Variants in BOC observed in about 807,000 individuals in gnomAD.
BOC encodes BOC cell adhesion associated, oncogene regulated.
BOC carries 76 observed loss-of-function variants against 112.0 expected under a neutral mutation model. The ratio of observed to expected loss-of-function variants is 0.68; its 90% CI spans 0.56 to 0.82. The LOEUF is 0.82. BOC is among the 40% of genes least tolerant of loss of function. The pLI, the probability that BOC is intolerant of heterozygous loss-of-function variation, is 0.00. For synonymous variants in BOC, 580 were observed against 599.8 expected (o/e 0.97, Z 0.48); for missense variants, 1,309 against 1,511.7 (o/e 0.87, Z 2.22).
chr3:113,229,387 G>T (rs559275983), intron 2 of BOC, among the ~76,000 whole-genome samples: 4 of 152,160 alleles, frequency 2.6e-5, no homozygotes, highest in Non-Finnish European at 2.9e-5. Context: ...TTAAATTTGC[G>T]CATGCTTGGA....
At position 113,260,721 on chromosome 3, in the gene BOC, A is replaced by ACAGAAAGAACAGAACAGAACAGAAC. The variant is rs1553737946; in HGVS notation, c.377-7578_377-7577insCAGAAAGAACAGAACAGAACAGAAC. 1.3e-3 allele frequency among the ~76,000 whole-genome samples: 122 copies of ACAGAAAGAACAGAACAGAACAGAAC among 92,236 alleles called. 1 individual carries two copies. Among genetic ancestry groups the ACAGAAAGAACAGAACAGAACAGAAC allele is most frequent in the African/African-American group, 2.0e-3 (48 of 24,012 alleles). 60.5% of individuals were successfully genotyped at this position (92,236 alleles called of 152,430 possible). ...ACAGAACAGAACAGAACAGAACAGA[A>ACAGAAAGAACAGAACAGAACAGAAC]AGAACAGAACAGAACAGAACAGAAC... On this transcript the variant is annotated intron_variant, in intron 4 of 19. Transcript: ENST00000682979.
Position 113,273,063 on chromosome 3 carries a change from T to C in BOC, c.962-6T>C. ...CCCTTCTCACCCTGCTCTGGTTTCC[T>C]GGCAGAACCCCCTGAGGTCACCATG... On this transcript the variant is annotated splice_region_variant and splice_polypyrimidine_tract_variant and intron_variant, in intron 7 of 19. Coordinates refer to ENST00000682979, the MANE Select transcript of BOC (RefSeq NM_001378074.1). 1.3e-6 allele frequency: 2 copies of C among 1,590,662 alleles called. No individual in the cohort carries two copies. Among genetic ancestry groups the C allele is most frequent in the Non-Finnish European group, 1.7e-6 (2 of 1,161,476 alleles).
At chr3:113,252,863 G>A (rs1364779738) in intron 4 of BOC, among the ~76,000 whole-genome samples, 1 of 152,140 alleles carries the variant, frequency 6.6e-6, no homozygotes, top group Non-Finnish European at 1.5e-5. Context: ...GGCCGTGGGT[G>A]GCTAGAGGGC....
chr3:113,276,454 G>T (rs1161202222), intron 9 of BOC, among the ~76,000 whole-genome samples: 1 of 152,240 alleles, frequency 6.6e-6, no homozygotes, highest in Non-Finnish European at 1.5e-5. Context: ...GCTGCGTCTG[G>T]CTTCTCTCAG....
At chr3:113,236,320 A>ATATATATAT (rs1553726986) in intron 2 of BOC, among the ~76,000 whole-genome samples, 3 of 93,888 alleles carry the variant, frequency 3.2e-5, no homozygotes, top group South Asian at 3.9e-4. Flanking sequence ...ATACCCATGG[A>ATATATATAT]ATACTGCTCA....
intron 4 of BOC, among the ~76,000 whole-genome samples, chr3:113,264,048 CTG>C (rs2107576955): frequency 6.6e-6 from 1 of 152,274 alleles, no homozygotes; most frequent in East Asian, 1.9e-4. Flanking sequence ...CCTTTGGAAA[CTG>C]AGCTCCCAGA....
In BOC at chr3:113,278,365, C is replaced by A; in HGVS notation, c.1705+108C>A. ...CCTTGCCCCAGCTGTTCACCTTGAA[C>A]TTCATCTTTCCTTCCAGCTACTGCC... is the stretch of plus-strand genomic sequence containing the variant. On this transcript the variant is annotated intron_variant, in intron 10 of 19. Coordinates refer to ENST00000682979, the MANE Select transcript of BOC (RefSeq NM_001378074.1). This position sits in a 1 kb window ranked among gnomAD's most constrained non-coding sequence, Gnocchi z 4.2. 8.0e-7 allele frequency: 1 copy of A among 1,250,088 alleles called. No homozygotes were observed. Among genetic ancestry groups the A allele is most frequent in the Non-Finnish European group, 1.1e-6 (1 of 890,000 alleles). The allele number at this position is 1,250,088 out of a possible 1,614,324, so 77.4% of individuals were successfully genotyped here.
chr3:113,265,832 A>G (rs1415308813), intron 4 of BOC, among the ~76,000 whole-genome samples: 8 of 152,276 alleles, frequency 5.3e-5, no homozygotes, highest in Non-Finnish European at 1.5e-5. Flanking sequence ...GTGTTACCCC[A>G]TCAAGTGCAG....
intron 2 of BOC, among the ~76,000 whole-genome samples, chr3:113,247,618 C>T (rs937799560): frequency 6.6e-6 from 1 of 152,008 alleles, no homozygotes; most frequent in Non-Finnish European, 1.5e-5. Context: ...TGGGCAACTT[C>T]ACTTCTGGAA....
chr3:113,230,478 G>A lies in BOC; in HGVS notation c.-82+14204G>A, dbSNP rs1942435374. Among the ~76,000 whole-genome samples, 4 of 152,362 alleles carry A rather than the reference G, an allele frequency of 2.6e-5. No individual in the cohort carries two copies. In the South Asian group the frequency reaches 8.3e-4, roughly 32 times the overall value. ...GACCAGCAAGCAGGGGAAGCAGACA[G>A]TCTAGGCTTTGAATCCTTTACTTAA... On this transcript the variant is annotated intron_variant, in intron 2 of 19. Transcript: ENST00000682979.
intron 7 of BOC, 57 bp from the exon 8 acceptor site, chr3:113,273,012 T>A: frequency 6.5e-7 from 1 of 1,550,076 alleles, no homozygotes; most frequent in Non-Finnish European, 8.8e-7. Context: ...TCCCAGCCCA[T>A]CTGGCCCTGG....
chr3:113,220,241 T>C (rs1465689712), intron 2 of BOC, among the ~76,000 whole-genome samples: 1 of 152,232 alleles, frequency 6.6e-6, no homozygotes, highest in Non-Finnish European at 1.5e-5. Flanking sequence ...CAGACCTCTC[T>C]ACTGGCTTAG....
In BOC at chr3:113,284,767, CT is replaced by C. The variant is rs1220072623; in HGVS notation, c.2890-13del. 2.8e-5 allele frequency: 45 copies of C among 1,613,836 alleles called. No individual in the cohort carries two copies. The highest frequency in any genetic ancestry group is 3.1e-5 in the Non-Finnish European group (37 of 1,179,806). On this transcript the variant is annotated splice_polypyrimidine_tract_variant and intron_variant, in intron 17 of 19. Transcript: ENST00000682979. ...TCCCCGGCGTGGCCGTCTCATTACT[CT>C]TCCTTTTGAGCAGCAGAGTGACACC...
chr3:113,268,233 C>A, intron 4 of BOC, 66 bp from the exon 5 acceptor site: 1 of 1,593,688 alleles, frequency 6.3e-7, no homozygotes, highest in South Asian at 1.2e-5. Flanking sequence ...AAGGCACAAG[C>A]CCACCCTGAA....
chr3:113,271,098 C>T (rs1948068021), intron 6 of BOC, 154 bp downstream of exon 6: 5 of 1,111,692 alleles, frequency 4.5e-6, no homozygotes, highest in South Asian at 3.9e-5. Flanking sequence ...GGTTCTCAGC[C>T]AGGGATTCTC....
intron 4 of BOC, among the ~76,000 whole-genome samples, chr3:113,262,676 T>C (rs1011139535): frequency 3.9e-5 from 6 of 152,230 alleles, no homozygotes; most frequent in Middle Eastern, 3.2e-3. Context: ...GTTTCTGTAG[T>C]TGTCCCACAT....
At chr3:113,211,520 G>A (rs1938141676), upstream of BOC, 1 of 152,180 alleles carries the variant, frequency 6.6e-6, no homozygotes, top group African/African-American at 2.4e-5. Context: ...GAGGCTCCTA[G>A]GCAGGAGAAG....
At chr3:113,254,147 G>A (rs9864636) in intron 4 of BOC, among the ~76,000 whole-genome samples, 3,321 of 152,270 alleles carry the variant, frequency 0.022, 108 homozygotes, top group African/African-American at 0.074. Context: ...AGGACAAAGG[G>A]AAGTGTTTGG....
chr3:113,251,672 C>A (rs1945657869), intron 4 of BOC: 1 of 152,190 alleles, frequency 6.6e-6, no homozygotes, highest in Non-Finnish European at 1.5e-5. Context: ...CTCAGACCAA[C>A]ATGTGGAAAC....
Sources: allele counts gnomAD v4.1 joint callset (sites outside exome capture counted in the v4.1 genomes callset), GRCh38; gene constraint gnomAD v4.1.1; non-coding constraint Gnocchi (gnomAD v3.1); transcripts MANE v1.5; gene names NCBI Gene and HGNC (gene_info 2026-07-23, HGNC 2026-07-21).